The following ENTPD7 variants were observed in gnomAD, a reference collection of about 807,000 sequenced individuals.
ENTPD7 encodes the protein NTPDase 7.
Under a neutral mutation model 77.9 loss-of-function variants are expected in ENTPD7, and 53 were observed. The ratio of observed to expected loss-of-function variants is 0.68; its 90% CI spans 0.55 to 0.85. The LOEUF (loss-of-function observed/expected upper bound fraction) is 0.85, where lower values mean the gene tolerates loss of function less well. Ranked by LOEUF, ENTPD7 falls within the 40% of genes least tolerant of loss-of-function variation. The pLI is 0.00. For synonymous variants in ENTPD7, 248 were observed against 274.9 expected, an observed-to-expected ratio of 0.90 and a Z score of 0.97; for missense variants, 636 against 743.7, an observed-to-expected ratio of 0.86 and a Z score of 1.68.
At chr10:99,686,955 G>A (rs183766994) in intron 6 of ENTPD7, among the ~76,000 whole-genome samples, 1 of 112,532 alleles carries the variant, frequency 8.9e-6, no homozygotes, top group East Asian at 2.8e-4. Flanking sequence ...TTGCACTCTT[G>A]TTACCAACAC....
intron 5 of ENTPD7, among the ~76,000 whole-genome samples, chr10:99,682,941 G>T (rs2035770957): frequency 6.6e-6 from 1 of 152,134 alleles, no homozygotes; most frequent in African/African-American, 2.4e-5. Context: ...TGGAGGAAAG[G>T]AGATTGTTGC....
chr10:99,691,926 C>T (rs781604372), intron 8 of ENTPD7, among the ~76,000 whole-genome samples: 2 of 152,172 alleles, frequency 1.3e-5, no homozygotes, highest in Non-Finnish European at 2.9e-5. Context: ...TTTCCCCTTA[C>T]TGATGATTCC....
chr10:99,703,924 TTA>T (rs1016557184), intron 12 of ENTPD7, among the ~76,000 whole-genome samples: 1 of 152,066 alleles, frequency 6.6e-6, no homozygotes, highest in Non-Finnish European at 1.5e-5. Context: ...TGGGGTCTTG[TTA>T]TGTTGACCAG....
At chr10:99,699,773 C>T (rs2036072827) in intron 10 of ENTPD7, among the ~76,000 whole-genome samples, 1 of 152,086 alleles carries the variant, frequency 6.6e-6, no homozygotes, top group Non-Finnish European at 1.5e-5. Flanking sequence ...GCCATGTTGG[C>T]CAGGCTGGTT....
Position 99,679,475 on chromosome 10 carries a change from CAG to C in ENTPD7, c.397+11_397+12del. ...TAAAAAAATCAAGCCAGGTACTAATCAGAATATATTTTGTTGTCAGTCTCTTT... is the reference window on the plus strand; with the variant it reads ...TAAAAAAATCAAGCCAGGTACTAATCAATATATTTTGTTGTCAGTCTCTTT... On this transcript the variant is annotated intron_variant, in intron 4 of 12. Transcript: ENST00000370489. 1 of 1,603,774 alleles carries C rather than the reference CAG, an allele frequency of 6.2e-7. No individual in the cohort carries two copies. Among genetic ancestry groups the C allele is most frequent in the South Asian group, 1.1e-5 (1 of 89,496 alleles).
chr10:99,687,950 T>C (rs1383414463), intron 6 of ENTPD7, among the ~76,000 whole-genome samples: 2 of 152,190 alleles, frequency 1.3e-5, no homozygotes, highest in African/African-American at 2.4e-5. Flanking sequence ...TTTCACAGTC[T>C]TGAAGCTACA....
At chr10:99,670,183 G>A (rs887110580) in intron 3 of ENTPD7, among the ~76,000 whole-genome samples, 5 of 152,130 alleles carry the variant, frequency 3.3e-5, no homozygotes, top group Non-Finnish European at 7.3e-5. Flanking sequence ...ATTATCGAGT[G>A]TCTACACTGT....
In ENTPD7 at chr10:99,702,574, A is replaced by G. The variant is rs772888761; in HGVS notation, c.1484A>G (p.Tyr495Cys). The G allele has an allele frequency of 5.6e-6, 9 of 1,613,030 alleles. No individual in the cohort carries two copies. The highest frequency in any genetic ancestry group is 2.7e-5 in the African/African-American group (2 of 74,896). Reference sequence around the variant, plus strand: ...TTACATGAAGGATTCCACTTTCCCTATGACTACCCAAACCTGCGGACAGCC... The same window carrying G: ...TTACATGAAGGATTCCACTTTCCCTGTGACTACCCAAACCTGCGGACAGCC... ...QVLHEGFHFP[Y>C]DYPNLRTAQL... The change falls in exon 12 of 13, where the codon TAT (tyrosine) becomes TGT (cysteine). Residue 495 changes from tyrosine (Y) to cysteine (C), a missense_variant. Around this residue, in one of 3 missense-constraint regions of ENTPD7, gnomAD observed 138 missense variants for 150.9 expected, o/e 0.91. Coordinates refer to ENST00000370489, the MANE Select transcript of ENTPD7 (RefSeq NM_020354.5).
At chr10:99,669,916 A>G (rs548549135) in intron 3 of ENTPD7, among the ~76,000 whole-genome samples, 3 of 151,498 alleles carry the variant, frequency 2.0e-5, no homozygotes, top group Non-Finnish European at 4.4e-5. Flanking sequence ...GGCCCAGCTA[A>G]TTTTTTGTAT....
chr10:99,704,521 CT>C lies in ENTPD7; in HGVS notation c.1654del (p.Tyr552IlefsTer46). On this transcript the variant is annotated frameshift_variant, in exon 13 of 13. Transcript: ENST00000370489. LOFTEE classifies it high-confidence loss of function. The part of the protein sequence containing the change: ...WFRLSFVYNH[Y>X]LFFACILVVL... Reference sequence around the variant, plus strand: ...TCCGTCTCTCCTTTGTATACAACCACTATCTCTTCTTTGCCTGTATCCTGGT... The same window carrying C: ...TCCGTCTCTCCTTTGTATACAACCACATCTCTTCTTTGCCTGTATCCTGGT... The C allele has an allele frequency of 6.2e-7, 1 of 1,614,230 alleles. No individual in the cohort carries two copies. The highest frequency in any genetic ancestry group is 2.2e-5 in the East Asian group (1 of 44,886).
rs761789312 is a variant in ENTPD7, at chr10:99,701,054, CTCAAGT to C, written c.1418_1421+2del. 1.1e-5 allele frequency: 17 copies of C among 1,613,644 alleles called. No individual in the cohort carries two copies. Among genetic ancestry groups the C allele is most frequent in the Non-Finnish European group, 1.4e-5 (17 of 1,179,622 alleles). On this transcript the variant is annotated splice_donor_variant and coding_sequence_variant, in exon 11 of 13. Transcript: ENST00000370489. LOFTEE classifies it high-confidence loss of function. ...TTCATCACATGCAGATGAGCATCGA[CTCAAGT>C]AAGTTACTTCCCTTTCCTCCTTAGA...
intron 12 of ENTPD7, 42 bp downstream of exon 12, chr10:99,702,715 A>G (rs751597766): frequency 1.1e-5 from 17 of 1,526,154 alleles, no homozygotes; most frequent in Non-Finnish European, 1.5e-5. Context: ...AGCTCAGAGG[A>G]TATCAGTTGA....
In ENTPD7 at chr10:99,681,186, C is replaced by T. The variant is rs72832507; in HGVS notation, c.548+1311C>T. ...TAATGCTTCAGTGAACATGGGAGGG[C>T]TCATATCTCTTTGAGATCCTGATTT... On this transcript the variant is annotated intron_variant, in intron 5 of 12. Coordinates refer to ENST00000370489, the MANE Select transcript of ENTPD7 (RefSeq NM_020354.5). 2.9e-3 allele frequency among the ~76,000 whole-genome samples: 439 copies of T among 152,242 alleles called. 3 individuals carry two copies. The highest frequency in any genetic ancestry group is 4.9e-3 in the Non-Finnish European group (331 of 68,022).
At chr10:99,660,749 C>G (rs1459723705) in intron 2 of ENTPD7, among the ~76,000 whole-genome samples, 2 of 151,988 alleles carry the variant, frequency 1.3e-5, no homozygotes, top group Non-Finnish European at 2.9e-5. Flanking sequence ...AGTAGAAACC[C>G]GGTCTCTACT....
chr10:99,705,767 T>C lies in ENTPD7; in HGVS notation c.*1084T>C, dbSNP rs2036238614. 6.6e-6 allele frequency: 1 copy of C among 152,236 alleles called. No homozygotes were observed. The highest frequency in any genetic ancestry group is 1.5e-5 in the Non-Finnish European group (1 of 68,034). The allele number at this position is 152,236 out of a possible 1,614,324, so 9.4% of individuals were successfully genotyped here. ...TGAAAGGGAGCAAATTTGGAATAGA[T>C]CAATCTGTTAATAAGCCATCTGGCA... On this transcript the variant is annotated 3_prime_UTR_variant, in exon 13 of 13. Transcript: ENST00000370489.
intron 8 of ENTPD7, among the ~76,000 whole-genome samples, chr10:99,694,379 A>G (rs1937898715): frequency 6.6e-6 from 1 of 152,102 alleles, no homozygotes; most frequent in African/African-American, 2.4e-5. Flanking sequence ...TTCCTTTTTA[A>G]TGGCTAAACA....
chr10:99,699,586 A>T (rs1222215359), intron 10 of ENTPD7, among the ~76,000 whole-genome samples: 5 of 152,028 alleles, frequency 3.3e-5, no homozygotes, highest in Non-Finnish European at 2.9e-5. Flanking sequence ...TTTTCTTGAG[A>T]TGGGGTCTCG....
rs959839665 is a variant in ENTPD7, at chr10:99,709,063, T to C, written c.*4380T>C. On this transcript the variant is annotated 3_prime_UTR_variant, in exon 13 of 13. Coordinates refer to ENST00000370489, the MANE Select transcript of ENTPD7 (RefSeq NM_020354.5). Reference sequence around the variant, plus strand: ...TCTATTCTTGTTCCTGTATTTCTTTTCGTACTTTTAAATTTTATACATCTT... The same window carrying C: ...TCTATTCTTGTTCCTGTATTTCTTTCCGTACTTTTAAATTTTATACATCTT... The C allele has an allele frequency of 8.0e-5, 79 of 982,666 alleles. No individual in the cohort carries two copies. Among genetic ancestry groups the C allele is most frequent in the Non-Finnish European group, 9.1e-5 (75 of 827,514 alleles). 60.9% of individuals were successfully genotyped at this position (982,666 alleles called of 1,614,324 possible).
chr10:99,660,521 G>T (rs1453738410), intron 2 of ENTPD7: 1 of 382,006 alleles, frequency 2.6e-6, no homozygotes, highest in Non-Finnish European at 5.0e-6. Context: ...CGAGGGAATG[G>T]ATACGCACAC....
Sources: gnomAD v4.1 joint callset for allele counts (sites outside exome capture counted in the v4.1 genomes callset) on GRCh38, gnomAD v4.1.1 for gene constraint, gnomAD v4.1.1 regional missense constraint, MANE v1.5 for transcripts, NCBI Gene and HGNC (gene_info 2026-07-23, HGNC 2026-07-21) for gene names.